The following NCAM2 variants were observed in gnomAD, a reference collection of about 807,000 sequenced individuals.
NCAM2 encodes the protein N-CAM-2.
In NCAM2, 30 loss-of-function variants were observed where a neutral mutation model predicts 98.1. The observed-to-expected ratio is 0.31, with a 90% CI of 0.23 to 0.41. The LOEUF (loss-of-function observed/expected upper bound fraction) is 0.41. Ranked by LOEUF, NCAM2 falls within the 10% of genes least tolerant of loss-of-function variation. The pLI, the probability that NCAM2 is intolerant of heterozygous loss-of-function variation, is 1.00. For missense variants in NCAM2, 867 were observed against 1,005.8 expected (o/e 0.86, Z 1.87); for synonymous variants, 368 against 342.4 (o/e 1.07, Z -0.83).
chr21:21,274,857 A>G (rs2072664039), intron 1 of NCAM2, among the ~76,000 whole-genome samples: 1 of 152,156 alleles, frequency 6.6e-6, no homozygotes, highest in African/African-American at 2.4e-5. Context: ...AGACAGTTAG[A>G]AGGCTGGTTC....
intron 3 of NCAM2, 109 bp from the exon 4 acceptor site, chr21:21,286,160 A>G: frequency 4.2e-6 from 5 of 1,179,902 alleles, no homozygotes; most frequent in Non-Finnish European, 5.9e-6. Flanking sequence ...AGGTTTCCCT[A>G]ATTATTTTAT....
At chr21:21,183,187 C>T (rs530345547) in intron 1 of NCAM2, among the ~76,000 whole-genome samples, 40 of 152,000 alleles carry the variant, frequency 2.6e-4, no homozygotes, top group Non-Finnish European at 2.8e-4. Context: ...ATGAGACAGG[C>T]GTTTGTTTAT....
At chr21:21,510,873 G>C (rs781663538) in intron 16 of NCAM2, among the ~76,000 whole-genome samples, 2 of 151,832 alleles carry the variant, frequency 1.3e-5, no homozygotes, top group African/African-American at 4.8e-5. Flanking sequence ...CATTTTTAAC[G>C]CTCAAATCAA....
At chr21:21,349,721 A>T (rs1157800467) in intron 8 of NCAM2, among the ~76,000 whole-genome samples, 5 of 152,164 alleles carry the variant, frequency 3.3e-5, no homozygotes. Flanking sequence ...AAATATACAC[A>T]GTTGGGTACT....
At chr21:21,013,331 G>T (rs1429264937) in intron 1 of NCAM2, among the ~76,000 whole-genome samples, 1 of 152,188 alleles carries the variant, frequency 6.6e-6, no homozygotes, top group Non-Finnish European at 1.5e-5. Flanking sequence ...AAGTTTTACT[G>T]GTTTGGATAG....
intron 13 of NCAM2, among the ~76,000 whole-genome samples, chr21:21,468,292 G>A (rs1983986107): frequency 6.6e-6 from 1 of 151,706 alleles, no homozygotes; most frequent in African/African-American, 2.4e-5. Context: ...ATTAATAAAT[G>A]CTTACAAAAC....
chr21:21,154,940 T>C (rs1274109575), intron 1 of NCAM2, among the ~76,000 whole-genome samples: 2 of 151,856 alleles, frequency 1.3e-5, no homozygotes, highest in Non-Finnish European at 3.0e-5. Context: ...GCTTTTGCTA[T>C]GGTAATGAAA....
At chr21:21,039,455 C>T (rs563216504) in intron 1 of NCAM2, among the ~76,000 whole-genome samples, 71 of 152,180 alleles carry the variant, frequency 4.7e-4, no homozygotes, top group South Asian at 3.1e-3. Flanking sequence ...ATGAAATGTT[C>T]CCAACACATA....
At chr21:21,286,687 G>T (rs1213295548) in intron 4 of NCAM2, among the ~76,000 whole-genome samples, 2 of 151,680 alleles carry the variant, frequency 1.3e-5, no homozygotes, top group African/African-American at 4.8e-5. Context: ...TTGAGAAGCT[G>T]TGGCTAAAAA....
chr21:21,369,515 A>G (rs1344802219), intron 8 of NCAM2, among the ~76,000 whole-genome samples: 1 of 151,754 alleles, frequency 6.6e-6, no homozygotes, highest in Non-Finnish European at 1.5e-5. Flanking sequence ...TAACATTTGG[A>G]GGAACTGTCA....
At chr21:21,111,662 G>T (rs2066457071) in intron 1 of NCAM2, among the ~76,000 whole-genome samples, 1 of 152,182 alleles carries the variant, frequency 6.6e-6, no homozygotes, top group Non-Finnish European at 1.5e-5. Context: ...GAAGCAAGAT[G>T]CTTGGTAGAT....
At position 21,331,538 on chromosome 21, in the gene NCAM2, C is replaced by CTATATA. The variant is rs1568942351; in HGVS notation, c.738-3966_738-3961dup. ...CTCTCTATATATATATATATATACT[C>CTATATA]TATATACATATATATATATACTCTA... is the stretch of plus-strand genomic sequence containing the variant. On this transcript the variant is annotated intron_variant, in intron 6 of 17. Transcript: ENST00000400546. Among the ~76,000 whole-genome samples, 4 of 1,514 alleles carry CTATATA rather than the reference C, an allele frequency of 2.6e-3. 1 individual carries two copies. The highest frequency in any genetic ancestry group is 5.1e-3 in the African/African-American group (4 of 782). 1.0% of individuals were successfully genotyped at this position (1,514 alleles called of 152,430 possible).
intron 1 of NCAM2, among the ~76,000 whole-genome samples, chr21:21,115,096 C>T (rs879635160): frequency 6.6e-6 from 1 of 152,134 alleles, no homozygotes; most frequent in Admixed American, 6.5e-5. Context: ...GCTGGAATTA[C>T]AGGCATGAGC....
intron 1 of NCAM2, among the ~76,000 whole-genome samples, chr21:21,004,404 C>T (rs2064074771): frequency 1.3e-5 from 2 of 152,060 alleles, no homozygotes; most frequent in Non-Finnish European, 2.9e-5. Context: ...AAGAATGATC[C>T]GATTTGCCTA....
At chr21:21,157,626 A>G (rs1240599975) in intron 1 of NCAM2, among the ~76,000 whole-genome samples, 1 of 152,166 alleles carries the variant, frequency 6.6e-6, no homozygotes, top group African/African-American at 2.4e-5. Context: ...TAAAATCTCC[A>G]GAGTGAGATT....
intron 16 of NCAM2, among the ~76,000 whole-genome samples, chr21:21,524,729 C>A (rs969961194): frequency 4.6e-5 from 7 of 152,052 alleles, no homozygotes; most frequent in African/African-American, 1.7e-4. Flanking sequence ...CTCAAGCTTG[C>A]CTAGAATAGG....
At chr21:21,215,806 G>A (rs1000561767) in intron 1 of NCAM2, among the ~76,000 whole-genome samples, 1 of 152,086 alleles carries the variant, frequency 6.6e-6, no homozygotes, top group Non-Finnish European at 1.5e-5. Context: ...GTATGTGTAT[G>A]TGTTGTAAGG....
At chr21:21,009,651 C>T (rs1392201401) in intron 1 of NCAM2, among the ~76,000 whole-genome samples, 4 of 151,764 alleles carry the variant, frequency 2.6e-5, no homozygotes, top group South Asian at 2.1e-4. Flanking sequence ...TCTGCTGTGT[C>T]GATAAAGCAA....
chr21:21,007,124 A>C (rs569396818), intron 1 of NCAM2, among the ~76,000 whole-genome samples: 1 of 152,184 alleles, frequency 6.6e-6, no homozygotes, highest in Non-Finnish European at 1.5e-5. Flanking sequence ...TCAGAAATGC[A>C]TGTCTTTACT....
Sources: allele counts gnomAD v4.1 joint callset (sites outside exome capture counted in the v4.1 genomes callset), GRCh38; gene constraint gnomAD v4.1.1; transcripts MANE v1.5; gene names NCBI Gene and HGNC (gene_info 2026-07-23, HGNC 2026-07-21).